Variants in LRRC69 observed in about 807,000 individuals in gnomAD.
LRRC69 encodes the protein leucine-rich repeat-containing protein 69.
Under a neutral mutation model 37.8 loss-of-function variants are expected in LRRC69, and 42 were observed. The observed-to-expected ratio is 1.11, with a 90% CI of 0.87 to 1.44. The LOEUF (loss-of-function observed/expected upper bound fraction) is 1.44, where lower values mean the gene tolerates loss of function less well. Ranked by LOEUF, LRRC69 falls within the 40% of genes most tolerant of loss-of-function variation. LRRC69 has a pLI of 0.00. For synonymous variants in LRRC69, 141 were observed against 143.1 expected (o/e 0.99, Z 0.11); for missense variants, 357 against 401.9 (o/e 0.89, Z 0.96).
chr8:91,176,134 A>ATATATATATATATATATATATATATTT, intron 5 of LRRC69, among the ~76,000 whole-genome samples: 1 of 75,710 alleles, frequency 1.3e-5, no homozygotes, highest in African/African-American at 6.1e-5. Flanking sequence ...ATATATATAT[A>ATATATATATATATATATATATATATTT]TTTTTTTTTT....
chr8:91,216,779 A>G (rs1810055544), intron 7 of LRRC69, among the ~76,000 whole-genome samples: 1 of 152,178 alleles, frequency 6.6e-6, no homozygotes, highest in Admixed American at 6.6e-5. Context: ...TGTGTCTGTC[A>G]TTCAAAAATA....
intron 5 of LRRC69, among the ~76,000 whole-genome samples, chr8:91,186,409 A>G (rs1809408398): frequency 6.6e-6 from 1 of 152,176 alleles, no homozygotes; most frequent in South Asian, 2.1e-4. Context: ...AGTTTTGAAG[A>G]GATGACCCAG....
chr8:91,171,416 A>G (rs1357422704), intron 5 of LRRC69, among the ~76,000 whole-genome samples: 3 of 151,974 alleles, frequency 2.0e-5, no homozygotes, highest in Admixed American at 6.6e-5. Context: ...CTTGGGGATG[A>G]TATCACCCCC....
chr8:91,218,933 T>C (rs1810108819), exon 8 of LRRC69: 2 of 1,550,802 alleles, frequency 1.3e-6, no homozygotes, highest in Admixed American at 2.0e-5. Context: ...CCTCTCCAAG[T>C]ATTAATTTGT....
chr8:91,121,008 C>T (rs1041962666), intron 1 of LRRC69, among the ~76,000 whole-genome samples: 1 of 151,968 alleles, frequency 6.6e-6, no homozygotes, highest in Non-Finnish European at 1.5e-5. Flanking sequence ...TCCAAACCTG[C>T]CCTTGTCCCA....
intron 1 of LRRC69, among the ~76,000 whole-genome samples, chr8:91,106,950 C>A (rs528325681): frequency 6.6e-6 from 1 of 151,202 alleles, no homozygotes; most frequent in African/African-American, 2.4e-5. Context: ...GTGCCACTAC[C>A]CCTGGCTAAT....
chr8:91,161,104 A>G (rs1372714697), intron 5 of LRRC69, among the ~76,000 whole-genome samples: 1 of 151,404 alleles, frequency 6.6e-6, no homozygotes, highest in South Asian at 2.1e-4. Flanking sequence ...ATATTTACTT[A>G]TTAGCATATA....
At chr8:91,114,305 A>G (rs868620309) in intron 1 of LRRC69, among the ~76,000 whole-genome samples, 7 of 151,994 alleles carry the variant, frequency 4.6e-5, no homozygotes. Context: ...CTGGGTATAT[A>G]TCCAAAGCAA....
chr8:91,183,931 C>T (rs1239788897), intron 5 of LRRC69, among the ~76,000 whole-genome samples: 1 of 152,028 alleles, frequency 6.6e-6, no homozygotes, highest in Non-Finnish European at 1.5e-5. Flanking sequence ...AGGATTCAGG[C>T]ATGAGATAGC....
At position 91,197,445 on chromosome 8, in the gene LRRC69, G is replaced by A. The variant is rs1435671929; in HGVS notation, c.754-3168G>A. Among the ~76,000 whole-genome samples the A allele has an allele frequency of 3.6e-4, 55 of 152,076 alleles. 1 individual carries two copies. Among genetic ancestry groups the A allele is most frequent in the Admixed American group, 2.0e-4 (3 of 15,276 alleles). On this transcript the variant is annotated intron_variant, in intron 6 of 7. Transcript: ENST00000448384. The stretch of plus-strand genomic sequence containing the variant: ...TGGCGGGCGCCCCTCCCCCAGCCTC[G>A]CTGCCGCCTCGCAGTTTGATCTCAG...
At chr8:91,200,852 T>C in intron 7 of LRRC69, 60 bp downstream of exon 7, 1 of 1,402,548 alleles carries the variant, frequency 7.1e-7, no homozygotes, top group South Asian at 1.5e-5. Flanking sequence ...TTTGTTCTTA[T>C]CTAAATCAGT....
At chr8:91,111,270 C>T (rs767140579) in intron 1 of LRRC69, among the ~76,000 whole-genome samples, 1 of 152,086 alleles carries the variant, frequency 6.6e-6, no homozygotes, top group Non-Finnish European at 1.5e-5. Context: ...CACAGTGGCT[C>T]ATGCCTGTAA....
At chr8:91,177,108 T>A (rs1809246055) in intron 5 of LRRC69, among the ~76,000 whole-genome samples, 1 of 152,182 alleles carries the variant, frequency 6.6e-6, no homozygotes, top group African/African-American at 2.4e-5. Context: ...TACAATATCC[T>A]TTAATCAAGG....
Position 91,217,925 on chromosome 8 carries a change from G to T in LRRC69, c.934-965G>T, listed in dbSNP as rs1009979797. On this transcript the variant is annotated intron_variant, in intron 7 of 7. Coordinates refer to ENST00000448384, the Ensembl canonical transcript of LRRC69. ...AAGTGCTTCACAGCCACTGTTGGAGGTCTGTGTGAAGGGGATGTGACTTAT... is the reference window on the plus strand; with the variant it reads ...AAGTGCTTCACAGCCACTGTTGGAGTTCTGTGTGAAGGGGATGTGACTTAT... 7.9e-5 allele frequency among the ~76,000 whole-genome samples: 12 copies of T among 152,238 alleles called. No homozygotes were observed. The East Asian group carries it at 2.1e-3, about 27-fold the overall frequency.
At chr8:91,212,338 A>C (rs1040648534) in intron 7 of LRRC69, among the ~76,000 whole-genome samples, 1 of 152,102 alleles carries the variant, frequency 6.6e-6, no homozygotes, top group Non-Finnish European at 1.5e-5. Flanking sequence ...AGTTGAACTT[A>C]ACATTTCCCC....
intron 5 of LRRC69, among the ~76,000 whole-genome samples, chr8:91,156,593 T>A (rs1459857897): frequency 2.0e-5 from 3 of 151,064 alleles, no homozygotes; most frequent in Non-Finnish European, 4.4e-5. Context: ...TCATGTCTAT[T>A]TTTGCTTTTG....
chr8:91,206,200 A>T (rs1809802115), intron 7 of LRRC69, among the ~76,000 whole-genome samples: 1 of 152,230 alleles, frequency 6.6e-6, no homozygotes, highest in Non-Finnish European at 1.5e-5. Flanking sequence ...TCAACATATT[A>T]CATCTCTATG....
At chr8:91,127,523 A>C (rs533964902) in intron 3 of LRRC69, among the ~76,000 whole-genome samples, 29 of 150,888 alleles carry the variant, frequency 1.9e-4, no homozygotes, top group African/African-American at 6.1e-4. Flanking sequence ...TTGATGGAAA[A>C]GGTAATGTAA....
chr8:91,204,121 C>CAAA (rs768420210), intron 7 of LRRC69, among the ~76,000 whole-genome samples: 3 of 52,428 alleles, frequency 5.7e-5, no homozygotes, highest in African/African-American at 6.5e-5. Context: ...GACTCCATCT[C>CAAA]AAAAAAAAAA....
Sources: allele counts gnomAD v4.1 joint callset (sites outside exome capture counted in the v4.1 genomes callset), GRCh38; gene constraint gnomAD v4.1.1; transcripts MANE v1.5; gene names NCBI Gene and HGNC (gene_info 2026-07-23, HGNC 2026-07-21).